PIBF1: variants seen among roughly 807,000 people sequenced by gnomAD.
PIBF1 encodes the protein progesterone immunomodulatory binding factor 1.
Under a neutral mutation model 112.5 loss-of-function variants are expected in PIBF1, and 90 were observed. The observed-to-expected ratio is 0.80, with a 90% CI of 0.67 to 0.95. The LOEUF (loss-of-function observed/expected upper bound fraction) is 0.95. Among genes scored for constraint, PIBF1 ranks in the 40% least tolerant of loss-of-function variants. The pLI, the probability that PIBF1 is intolerant of heterozygous loss-of-function variation, is 0.00. For missense variants in PIBF1, 915 were observed against 852.3 expected (o/e 1.07, Z -0.92); for synonymous variants, 301 against 288.6 (o/e 1.04, Z -0.44).
intron 13 of PIBF1, among the ~76,000 whole-genome samples, chr13:72,929,637 T>A (rs9543177): frequency 6.6e-6 from 1 of 152,072 alleles, no homozygotes; most frequent in African/African-American, 2.4e-5. Flanking sequence ...TTTATGATAT[T>A]TAAGTTGCAT....
chr13:72,940,687 C>A (rs1336814926), intron 14 of PIBF1, among the ~76,000 whole-genome samples: 1 of 152,146 alleles, frequency 6.6e-6, no homozygotes, highest in Non-Finnish European at 1.5e-5. Context: ...CCAAATCTTG[C>A]TTTTAAGCTT....
intron 9 of PIBF1, among the ~76,000 whole-genome samples, chr13:72,838,542 G>C (rs749063989): frequency 1.3e-5 from 2 of 152,090 alleles, no homozygotes; most frequent in Non-Finnish European, 2.9e-5. Flanking sequence ...CAAATTTATA[G>C]ACAAAAAAAG....
In PIBF1 at chr13:72,821,954, C is replaced by A. The variant is rs780265946; in HGVS notation, c.778C>A (p.Arg260Ser). 2 of 1,611,788 alleles carry A rather than the reference C, an allele frequency of 1.2e-6. No homozygotes were observed. The highest frequency in any genetic ancestry group is 8.5e-7 in the Non-Finnish European group (1 of 1,178,912). The change falls in exon 6 of 18, where the codon CGT becomes AGT. Residue 260 changes from arginine (R) to serine (S), a missense_variant. Transcript: ENST00000326291. ...ACAGTTAATTCAGCAAGGTGACTAC[C>A]GTCAAGAGAACTATGATAAAGTCAA... ...TKQLIQQGDY[R>S]QENYDKVKSE... is the part of the protein sequence containing the mutation.
At chr13:72,999,745 A>T (rs2043796632) in intron 17 of PIBF1, among the ~76,000 whole-genome samples, 2 of 152,154 alleles carry the variant, frequency 1.3e-5, no homozygotes, top group African/African-American at 2.4e-5. Context: ...CTCCCTTTTT[A>T]AAAAAATGAA....
chr13:72,946,869 C>T (rs751156467), intron 14 of PIBF1, among the ~76,000 whole-genome samples: 17 of 152,210 alleles, frequency 1.1e-4, no homozygotes, highest in Non-Finnish European at 1.8e-4. Flanking sequence ...CAGCCCTGCT[C>T]CCAGCTGCTT....
intron 14 of PIBF1, among the ~76,000 whole-genome samples, chr13:72,961,226 C>T (rs2042596673): frequency 6.6e-6 from 1 of 152,244 alleles, no homozygotes; most frequent in East Asian, 1.9e-4. Context: ...CAGCCAACCT[C>T]ATGGCTGATC....
chr13:72,951,414 T>C (rs1397186764), intron 14 of PIBF1, among the ~76,000 whole-genome samples: 3 of 152,178 alleles, frequency 2.0e-5, no homozygotes, highest in Non-Finnish European at 1.5e-5. Context: ...ATTTGTAAAA[T>C]GTTAAGTTCC....
chr13:72,938,617 G>C (rs2041934130), intron 14 of PIBF1, among the ~76,000 whole-genome samples: 1 of 152,058 alleles, frequency 6.6e-6, no homozygotes, highest in African/African-American at 2.4e-5. Flanking sequence ...ATTTTTGTCT[G>C]TTTTGAATAG....
At chr13:72,801,879 T>G (rs1442295712) in intron 5 of PIBF1, among the ~76,000 whole-genome samples, 4 of 152,222 alleles carry the variant, frequency 2.6e-5, no homozygotes, top group Non-Finnish European at 5.9e-5. Flanking sequence ...TTTATGACAT[T>G]GTAAGAAAAA....
At chr13:72,817,141 T>C (rs1205230825) in intron 5 of PIBF1, among the ~76,000 whole-genome samples, 1 of 152,218 alleles carries the variant, frequency 6.6e-6, no homozygotes, top group African/African-American at 2.4e-5. Context: ...TTAAGGTAAA[T>C]GTCATTATAT....
At chr13:72,786,788 C>G (rs2034620380) in intron 2 of PIBF1, among the ~76,000 whole-genome samples, 1 of 152,130 alleles carries the variant, frequency 6.6e-6, no homozygotes, top group African/African-American at 2.4e-5. Flanking sequence ...CTCTATCATA[C>G]GAGCACTCAG....
intron 11 of PIBF1, among the ~76,000 whole-genome samples, chr13:72,901,858 G>T (rs1335939523): frequency 6.6e-6 from 1 of 152,064 alleles, no homozygotes; most frequent in Admixed American, 6.6e-5. Flanking sequence ...CCATTACTGG[G>T]CATCTACCCA....
At chr13:72,838,283 TATG>T (rs932153550) in intron 9 of PIBF1, among the ~76,000 whole-genome samples, 4 of 152,094 alleles carry the variant, frequency 2.6e-5, no homozygotes, top group Non-Finnish European at 4.4e-5. Flanking sequence ...TTATCATAAG[TATG>T]ATGATGATGG....
rs1051917743 is a variant in PIBF1, at chr13:72,864,045, A to G, written c.1322+9890A>G. 2.6e-5 allele frequency among the ~76,000 whole-genome samples: 4 copies of G among 152,348 alleles called. No individual in the cohort carries two copies. The East Asian group carries it at 5.8e-4, about 22-fold the overall frequency. On this transcript the variant is annotated intron_variant, in intron 10 of 17. Transcript: ENST00000326291. ...TATTATGGTTCCTGCTTCAAAACAC[A>G]TTTGATGAAGCAAGGAAACTAAACT...
At chr13:72,933,391 C>T (rs2041769879) in intron 14 of PIBF1, among the ~76,000 whole-genome samples, 1 of 152,164 alleles carries the variant, frequency 6.6e-6, no homozygotes, top group South Asian at 2.1e-4. Flanking sequence ...GCCGGGTGCA[C>T]TGGCTCATGC....
chr13:72,935,520 T>C (rs996920334), intron 14 of PIBF1, among the ~76,000 whole-genome samples: 1 of 152,346 alleles, frequency 6.6e-6, no homozygotes, highest in Admixed American at 6.5e-5. Context: ...TACAAGTCTT[T>C]GTATGGACGT....
At chr13:73,005,221 T>C (rs2043994478) in intron 17 of PIBF1, among the ~76,000 whole-genome samples, 1 of 151,960 alleles carries the variant, frequency 6.6e-6, no homozygotes, top group Non-Finnish European at 1.5e-5. Context: ...ATGTTATATG[T>C]ATTTTACCAC....
intron 9 of PIBF1, among the ~76,000 whole-genome samples, chr13:72,844,406 G>A (rs985390946): frequency 6.6e-6 from 1 of 152,006 alleles, no homozygotes; most frequent in Non-Finnish European, 1.5e-5. Context: ...TTGTTACATA[G>A]GTATACACAT....
intron 5 of PIBF1, among the ~76,000 whole-genome samples, chr13:72,802,004 T>A (rs962097274): frequency 1.7e-5 from 1 of 59,458 alleles, no homozygotes; most frequent in Admixed American, 2.0e-4. Flanking sequence ...TTAGGATTTT[T>A]AAAAAATGTT....
Sources: gnomAD v4.1 joint callset for allele counts (sites outside exome capture counted in the v4.1 genomes callset) on GRCh38, gnomAD v4.1.1 for gene constraint, MANE v1.5 for transcripts, NCBI Gene and HGNC (gene_info 2026-07-23, HGNC 2026-07-21) for gene names.